CNTNAP4: variants seen among roughly 807,000 people sequenced by gnomAD.
The protein encoded by CNTNAP4 is contactin associated protein family member 4.
Under a neutral mutation model 148.4 loss-of-function variants are expected in CNTNAP4, and 98 were observed. The observed-to-expected ratio is 0.66, with a 90% CI of 0.56 to 0.78. The LOEUF (loss-of-function observed/expected upper bound fraction) is 0.78. Ranked by LOEUF, CNTNAP4 falls within the 30% of genes least tolerant of loss-of-function variation. The probability of loss-of-function intolerance (pLI) is 0.00; values close to 1 mark genes in which losing one functional copy is unlikely to be tolerated. For missense variants in CNTNAP4, 1,935 were observed against 1,565.6 expected (o/e 1.24, Z -3.98); for synonymous variants, 730 against 565.1 (o/e 1.29, Z -4.14).
In CNTNAP4 at chr16:76,462,113, T is replaced by C; in HGVS notation, c.1483+8T>C. On this transcript the variant is annotated splice_region_variant and intron_variant, in intron 9 of 23. Coordinates refer to ENST00000611870, the MANE Select transcript of CNTNAP4 (RefSeq NM_033401.5). ...GCACCTATTATTTTGGAGGTAAGAA[T>C]AGGTGCCAGGCTCTATGAGCAACTG... The C allele has an allele frequency of 6.2e-7, 1 of 1,611,786 alleles. No individual in the cohort carries two copies. Among genetic ancestry groups the C allele is most frequent in the Non-Finnish European group, 8.5e-7 (1 of 1,178,730 alleles).
At chr16:76,312,855 T>C (rs1961286886) in intron 1 of CNTNAP4, among the ~76,000 whole-genome samples, 1 of 152,192 alleles carries the variant, frequency 6.6e-6, no homozygotes, top group Non-Finnish European at 1.5e-5. Context: ...TTAGTTACTA[T>C]GTGTGGCAGG....
At chr16:76,384,570 G>A (rs1211181471) in intron 3 of CNTNAP4, among the ~76,000 whole-genome samples, 3 of 152,118 alleles carry the variant, frequency 2.0e-5, no homozygotes, top group African/African-American at 7.2e-5. Flanking sequence ...CCCGCACTTG[G>A]AGAGTGTGGG....
chr16:76,401,985 A>C (rs368682967), intron 3 of CNTNAP4, among the ~76,000 whole-genome samples: 1 of 152,304 alleles, frequency 6.6e-6, no homozygotes, highest in African/African-American at 2.4e-5. Flanking sequence ...TTCATCAAAA[A>C]TATTGTCCTG....
At chr16:76,434,768 G>A (rs1252670938) in intron 4 of CNTNAP4, among the ~76,000 whole-genome samples, 1 of 152,186 alleles carries the variant, frequency 6.6e-6, no homozygotes, top group Non-Finnish European at 1.5e-5. Flanking sequence ...CCAATGTGGA[G>A]GTTCCGCCAG....
At chr16:76,304,215 A>T (rs1321031077) in intron 1 of CNTNAP4, among the ~76,000 whole-genome samples, 2 of 152,160 alleles carry the variant, frequency 1.3e-5, no homozygotes, top group Non-Finnish European at 2.9e-5. Flanking sequence ...GCCTAAGATC[A>T]TGTAGTACTT....
chr16:76,365,522 G>A (rs954664489), intron 3 of CNTNAP4, among the ~76,000 whole-genome samples: 3 of 152,108 alleles, frequency 2.0e-5, no homozygotes, highest in South Asian at 2.1e-4. Context: ...AGGCCAAGGC[G>A]GGTGGATCAC....
chr16:76,375,087 A>G (rs971223085), intron 3 of CNTNAP4, among the ~76,000 whole-genome samples: 2 of 152,082 alleles, frequency 1.3e-5, no homozygotes, highest in Non-Finnish European at 2.9e-5. Context: ...TTTTTTTAAG[A>G]GAAATTTTCA....
intron 2 of CNTNAP4, among the ~76,000 whole-genome samples, chr16:76,322,384 A>G (rs1255466821): frequency 1.3e-5 from 2 of 152,200 alleles, no homozygotes; most frequent in African/African-American, 4.8e-5. Context: ...TCCCAGACAC[A>G]CTTGAACTTC....
intron 17 of CNTNAP4, among the ~76,000 whole-genome samples, chr16:76,531,588 T>C (rs1335466739): frequency 6.6e-6 from 1 of 152,164 alleles, no homozygotes; most frequent in Non-Finnish European, 1.5e-5. Context: ...GTTCCAAACG[T>C]AATAGCTCAG....
chr16:76,281,997 C>T (rs906827552), intron 1 of CNTNAP4, among the ~76,000 whole-genome samples: 3 of 151,700 alleles, frequency 2.0e-5, no homozygotes, highest in African/African-American at 7.3e-5. Flanking sequence ...ACATAAGATT[C>T]TTTACTCTCT....
At position 76,559,675 on chromosome 16, in the gene CNTNAP4, C is replaced by T. The variant is rs533448653; in HGVS notation, c.*992C>T. Among the ~76,000 whole-genome samples, 7 of 152,120 alleles carry T rather than the reference C, an allele frequency of 4.6e-5. No homozygotes were observed. Among genetic ancestry groups the T allele is most frequent in the Non-Finnish European group, 8.8e-5 (6 of 68,026 alleles). On this transcript the variant is annotated 3_prime_UTR_variant, in exon 24 of 24. Coordinates refer to ENST00000611870, the MANE Select transcript of CNTNAP4 (RefSeq NM_033401.5). Reference sequence around the variant, plus strand: ...TTTTTCTGAAGTTTATCACAAACTTCGCCTTGATCTTCAATGATTATACTT... The same window carrying T: ...TTTTTCTGAAGTTTATCACAAACTTTGCCTTGATCTTCAATGATTATACTT...
At chr16:76,554,413 A>T (rs550515034) in intron 23 of CNTNAP4, among the ~76,000 whole-genome samples, 2 of 152,312 alleles carry the variant, frequency 1.3e-5, no homozygotes, top group East Asian at 3.9e-4. Context: ...TCAACTAAAT[A>T]TTACACTTTC....
At chr16:76,424,120 A>G (rs1234272475) in intron 3 of CNTNAP4, among the ~76,000 whole-genome samples, 2 of 152,162 alleles carry the variant, frequency 1.3e-5, no homozygotes, top group Non-Finnish European at 2.9e-5. Flanking sequence ...AACGTTTTCA[A>G]AATTTAAATA....
intron 4 of CNTNAP4, among the ~76,000 whole-genome samples, chr16:76,428,273 T>C (rs1036033268): frequency 2.0e-5 from 3 of 152,156 alleles, no homozygotes; most frequent in African/African-American, 7.2e-5. Context: ...TTAGATACAC[T>C]TTTATTATAG....
At chr16:76,400,936 T>A (rs1234299233) in intron 3 of CNTNAP4, among the ~76,000 whole-genome samples, 2 of 152,226 alleles carry the variant, frequency 1.3e-5, no homozygotes, top group Non-Finnish European at 2.9e-5. Context: ...TTTTGGTTAC[T>A]GTAGCACTGT....
At chr16:76,337,627 C>G (rs898370575) in intron 2 of CNTNAP4, among the ~76,000 whole-genome samples, 1 of 152,108 alleles carries the variant, frequency 6.6e-6, no homozygotes, top group Non-Finnish European at 1.5e-5. Context: ...AAACAGGGTT[C>G]GAGAGCAGAC....
chr16:76,403,063 G>T (rs748071158), intron 3 of CNTNAP4, among the ~76,000 whole-genome samples: 78 of 151,754 alleles, frequency 5.1e-4, no homozygotes, highest in Non-Finnish European at 9.4e-4. Context: ...GCGGGAAAAG[G>T]ACATGAACAC....
chr16:76,455,678 G>C (rs115930832), intron 8 of CNTNAP4, among the ~76,000 whole-genome samples: 1,703 of 152,316 alleles, frequency 0.011, 34 homozygotes, highest in African/African-American at 0.04. Context: ...AAGAATGTCT[G>C]GCACTTCAGT....
intron 13 of CNTNAP4, among the ~76,000 whole-genome samples, chr16:76,491,896 A>G (rs553889464): frequency 2.0e-5 from 3 of 152,246 alleles, no homozygotes; most frequent in South Asian, 2.1e-4. Context: ...CCATTCATCA[A>G]TGGACACTTA....
Sources: gnomAD v4.1 joint callset for allele counts (sites outside exome capture counted in the v4.1 genomes callset) on GRCh38, gnomAD v4.1.1 for gene constraint, MANE v1.5 for transcripts, NCBI Gene and HGNC (gene_info 2026-07-23, HGNC 2026-07-21) for gene names.